TMEM232: variants seen among roughly 807,000 people sequenced by gnomAD.
The protein encoded by TMEM232 is transmembrane protein 232.
TMEM232 carries 80 observed loss-of-function variants against 78.8 expected under a neutral mutation model. That is an observed-to-expected ratio of 1.01 (90% CI 0.85 to 1.22). The LOEUF (loss-of-function observed/expected upper bound fraction) is 1.22, where lower values mean the gene tolerates loss of function less well. Ranked by LOEUF, TMEM232 falls within the 50% of genes most tolerant of loss-of-function variation. The pLI is 0.00. For synonymous variants in TMEM232, 297 were observed against 254.3 expected (o/e 1.17, Z -1.60); for missense variants, 881 against 742.2 (o/e 1.19, Z -2.17).
chr5:110,459,283 T>C lies in TMEM232; in HGVS notation c.1704-34367A>G, dbSNP rs28522359. Among the ~76,000 whole-genome samples the C allele has an allele frequency of 1.7e-3, 258 of 152,284 alleles. 2 individuals carry two copies. The highest frequency in any genetic ancestry group is 2.0e-3 in the Non-Finnish European group (134 of 68,010). ...TTTAGACTATGTGGACAAACTCTTA[T>C]TTGAACTGAGTTTTATTCTTTGATC... On this transcript the variant is annotated intron_variant, in intron 12 of 13. Coordinates refer to ENST00000455884, the MANE Select transcript of TMEM232 (RefSeq NM_001039763.4).
At chr5:110,595,815 G>A (rs1026781975) in intron 10 of TMEM232, among the ~76,000 whole-genome samples, 5 of 152,158 alleles carry the variant, frequency 3.3e-5, no homozygotes, top group Admixed American at 1.3e-4. Flanking sequence ...GTACCTGAAA[G>A]TGATGGGGAG....
intron 2 of TMEM232, among the ~76,000 whole-genome samples, chr5:110,644,151 C>G (rs1787126432): frequency 6.6e-6 from 1 of 151,804 alleles, no homozygotes; most frequent in African/African-American, 2.4e-5. Flanking sequence ...AATAAGCAAC[C>G]TCATCTTTGA....
chr5:110,459,645 G>A (rs538254472), intron 12 of TMEM232, among the ~76,000 whole-genome samples: 66 of 152,232 alleles, frequency 4.3e-4, no homozygotes, highest in African/African-American at 1.5e-3. Flanking sequence ...TACACTTAGT[G>A]GGTAAACGTT....
At chr5:110,406,400 A>G (rs1461823857) in intron 2 of TMEM232, among the ~76,000 whole-genome samples, 3 of 152,012 alleles carry the variant, frequency 2.0e-5, no homozygotes, top group African/African-American at 7.2e-5. Flanking sequence ...TAGTGCTGCA[A>G]TAAAGATTAG....
chr5:110,639,352 C>T (rs752093702), intron 4 of TMEM232, among the ~76,000 whole-genome samples: 1 of 152,142 alleles, frequency 6.6e-6, no homozygotes, highest in Non-Finnish European at 1.5e-5. Context: ...TATGTGAATG[C>T]ATTAAAATCC....
At chr5:110,550,129 T>C (rs1208896951) in intron 11 of TMEM232, among the ~76,000 whole-genome samples, 1 of 152,150 alleles carries the variant, frequency 6.6e-6, no homozygotes, top group African/African-American at 2.4e-5. Context: ...ATTCCAGGAA[T>C]GCAATGATTG....
intron 11 of TMEM232, among the ~76,000 whole-genome samples, chr5:110,562,932 C>G (rs1775916715): frequency 6.6e-6 from 1 of 151,958 alleles, no homozygotes; most frequent in Non-Finnish European, 1.5e-5. Flanking sequence ...CCAAATGTCT[C>G]TATCTCTAGC....
chr5:110,484,125 T>C (rs763959671), intron 12 of TMEM232, among the ~76,000 whole-genome samples: 3 of 151,900 alleles, frequency 2.0e-5, no homozygotes, highest in Non-Finnish European at 2.9e-5. Context: ...TACACATGGA[T>C]ATAAAGATGA....
rs1784616670 is a variant in TMEM232 at position 110,627,848 on chromosome 5, T to C, written c.534A>G (p.Ile178Met). The C allele has an allele frequency of 2.0e-6, 3 of 1,536,330 alleles. No individual in the cohort carries two copies. Among genetic ancestry groups the C allele is most frequent in the Middle Eastern group, 1.7e-4 (1 of 5,972 alleles). Residue 178 changes from isoleucine to methionine, a missense_variant, in exon 6 of 14, where the codon ATA becomes ATG. By Grantham distance (10) the Ile-to-Met change is conservative. Coordinates refer to ENST00000455884, the MANE Select transcript of TMEM232 (RefSeq NM_001039763.4). ...TTTCTAGATGACCATGCAGGAAAAA[T>C]ATAAAAAGTCGTAAGAAGACCAAAT... is the stretch of plus-strand genomic sequence containing the variant. ...IGYLVFLRLF[I>M]FFLHGHLESF...
intron 3 of TMEM232, 43 bp from the exon 4 acceptor site, chr5:110,641,039 AT>A: frequency 1.7e-6 from 2 of 1,190,608 alleles, no homozygotes; most frequent in Non-Finnish European, 2.3e-6. Context: ...AAATGTACAT[AT>A]TTTTATATAT....
At chr5:110,541,318 T>A (rs530979299) in intron 11 of TMEM232, among the ~76,000 whole-genome samples, 1 of 152,292 alleles carries the variant, frequency 6.6e-6, no homozygotes, top group African/African-American at 2.4e-5. Context: ...GAGGAGCTTA[T>A]CCAGGGGAAT....
chr5:110,524,690 A>G (rs1443071823), intron 12 of TMEM232, among the ~76,000 whole-genome samples: 3 of 151,992 alleles, frequency 2.0e-5, no homozygotes, highest in African/African-American at 4.8e-5. Flanking sequence ...TTCAAGCTCA[A>G]TGTTTGCTTA....
intron 12 of TMEM232, among the ~76,000 whole-genome samples, chr5:110,527,165 T>C (rs1770725731): frequency 6.6e-6 from 1 of 151,894 alleles, no homozygotes; most frequent in South Asian, 2.1e-4. Flanking sequence ...CTTTAATGTA[T>C]AGAAATTTGG....
intron 1 of TMEM232, among the ~76,000 whole-genome samples, chr5:110,683,855 G>A (rs189908419): frequency 9.8e-4 from 149 of 151,970 alleles, no homozygotes; most frequent in African/African-American, 3.5e-3. Context: ...TCATTATAAC[G>A]GAGATGGGTT....
intron 12 of TMEM232, among the ~76,000 whole-genome samples, chr5:110,490,157 GAAAGAAAGAAAGAAAGAAAGAAAGAAAGA>G (rs1289205204): frequency 2.0e-4 from 28 of 140,902 alleles, no homozygotes; most frequent in African/African-American, 8.7e-4. Flanking sequence ...AAGAAAGAAA[GAAAGAAAGAAAGAAAGAAAGAAAGAAAGA>G]AAGAAAAAGT....
At chr5:110,531,038 A>AAAG (rs1443967521) in intron 11 of TMEM232, among the ~76,000 whole-genome samples, 1 of 152,098 alleles carries the variant, frequency 6.6e-6, no homozygotes, top group Non-Finnish European at 1.5e-5. Flanking sequence ...TTCCACCACA[A>AAAG]AAGTGAAAAT....
intron 12 of TMEM232, among the ~76,000 whole-genome samples, chr5:110,442,985 T>C (rs1759232500): frequency 6.6e-6 from 1 of 152,128 alleles, no homozygotes; most frequent in Non-Finnish European, 1.5e-5. Context: ...TGTGGTAATA[T>C]AGGCACCCTT....
intron 1 of TMEM232, among the ~76,000 whole-genome samples, chr5:110,698,767 G>A (rs755834963): frequency 8.5e-5 from 13 of 152,164 alleles, no homozygotes; most frequent in South Asian, 4.1e-4. Context: ...AAATTGCTAC[G>A]AAGAAAGGAA....
intron 10 of TMEM232, among the ~76,000 whole-genome samples, chr5:110,588,307 T>C (rs763457809): frequency 6.6e-6 from 1 of 152,146 alleles, no homozygotes; most frequent in Non-Finnish European, 1.5e-5. Context: ...ACTTTTTCCA[T>C]TTTGAGACAA....
Sources: gnomAD v4.1 joint callset for allele counts (sites outside exome capture counted in the v4.1 genomes callset) on GRCh38, gnomAD v4.1.1 for gene constraint, MANE v1.5 for transcripts, NCBI Gene and HGNC (gene_info 2026-07-23, HGNC 2026-07-21) for gene names.